RAB39A: variants seen among roughly 807,000 people sequenced by gnomAD.
RAB39A encodes the protein ras-related protein Rab-39A.
Under a neutral mutation model 20.9 loss-of-function variants are expected in RAB39A, and 17 were observed. That is an observed-to-expected ratio of 0.81 (90% CI 0.56 to 1.22). The LOEUF (loss-of-function observed/expected upper bound fraction) is 1.22. Among genes scored for constraint, RAB39A ranks in the 50% most tolerant of loss-of-function variants. The pLI, the probability that RAB39A is intolerant of heterozygous loss-of-function variation, is 0.00. For synonymous variants in RAB39A, 99 were observed against 103.4 expected (o/e 0.96, Z 0.26); for missense variants, 234 against 270.5 (o/e 0.87, Z 0.95).
chr11:107,955,910 G>A (rs1384902409), intron 1 of RAB39A, among the ~76,000 whole-genome samples: 1 of 151,718 alleles, frequency 6.6e-6, no homozygotes, highest in Non-Finnish European at 1.5e-5. Flanking sequence ...TTTTAGTAGG[G>A]GGTATAAAAT....
chr11:107,937,788 C>T (rs182045971), intron 1 of RAB39A, among the ~76,000 whole-genome samples: 32 of 152,264 alleles, frequency 2.1e-4, no homozygotes, highest in Admixed American at 8.5e-4. Flanking sequence ...TCCTAGCTCT[C>T]AGTCTCTGAG....
At chr11:107,960,407 G>A (rs1157195301) in intron 1 of RAB39A, among the ~76,000 whole-genome samples, 2 of 152,180 alleles carry the variant, frequency 1.3e-5, no homozygotes, top group Non-Finnish European at 2.9e-5. Flanking sequence ...AGGCTGCTCA[G>A]ATGGTATGAT....
In RAB39A at chr11:107,928,877, G is replaced by C. The variant is rs1861110183; in HGVS notation, c.227+82G>C. On this transcript the variant is annotated intron_variant, in intron 1 of 1. Coordinates refer to ENST00000320578, the MANE Select transcript of RAB39A (RefSeq NM_017516.3). This position sits in a 1 kb window ranked among gnomAD's most constrained non-coding sequence, Gnocchi z 4.9. ...CCTTCCCCAGGCGTCCGCCCCGCCG[G>C]CCCTGGTCGGGAGAGGCTCTGGCCC... The C allele has an allele frequency of 8.3e-7, 1 of 1,206,936 alleles. No individual in the cohort carries two copies. The allele number at this position is 1,206,936 out of a possible 1,614,324, so 74.8% of individuals were successfully genotyped here. A position where few individuals can be genotyped will look rare whatever the true frequency, so the allele number is the denominator to read the frequency against.
chr11:107,952,485 G>A lies in RAB39A; in HGVS notation c.228-9461G>A, dbSNP rs183765096. Among the ~76,000 whole-genome samples, 7 of 152,258 alleles carry A rather than the reference G, an allele frequency of 4.6e-5. No homozygotes were observed. The South Asian group carries it at 1.4e-3, about 32-fold the overall frequency. ...AATCCCAGCTGCTTGGGAGGCTGAG[G>A]CAGGAGGATCACTTGAACCCAGGAG... On this transcript the variant is annotated intron_variant, in intron 1 of 1. Coordinates refer to ENST00000320578, the MANE Select transcript of RAB39A (RefSeq NM_017516.3).
chr11:107,952,838 A>G (rs1023562885), intron 1 of RAB39A, among the ~76,000 whole-genome samples: 2 of 152,212 alleles, frequency 1.3e-5, no homozygotes, highest in African/African-American at 4.8e-5. Context: ...AGCCGAGATC[A>G]CGCCATTGCA....
At chr11:107,951,766 T>C (rs1861383096) in intron 1 of RAB39A, among the ~76,000 whole-genome samples, 1 of 152,080 alleles carries the variant, frequency 6.6e-6, no homozygotes, top group South Asian at 2.1e-4. Context: ...ATTATAGGTC[T>C]GAGCCACTGT....
At chr11:107,960,241 C>T (rs1300040703) in intron 1 of RAB39A, among the ~76,000 whole-genome samples, 1 of 149,984 alleles carries the variant, frequency 6.7e-6, no homozygotes, top group Non-Finnish European at 1.5e-5. Context: ...ATATAACAAA[C>T]ATTGTATGAC....
chr11:107,943,616 T>G (rs1591244184), intron 1 of RAB39A, among the ~76,000 whole-genome samples: 1 of 151,192 alleles, frequency 6.6e-6, no homozygotes, highest in South Asian at 2.1e-4. Context: ...GATTTACTTG[T>G]GGAAATCCAT....
Position 107,934,440 on chromosome 11 carries a change from G to A in RAB39A, c.227+5645G>A, listed in dbSNP as rs73551500. The stretch of plus-strand genomic sequence containing the variant: ...CAGAGCTAGACCCTGTCTCTAAAAA[G>A]AGGAAAAAGAAAATCTATGATAACT... On this transcript the variant is annotated intron_variant, in intron 1 of 1. Transcript: ENST00000320578. 6.5e-3 allele frequency among the ~76,000 whole-genome samples: 982 copies of A among 152,024 alleles called. 11 individuals carry two copies. The highest frequency in any genetic ancestry group is 0.023 in the African/African-American group (933 of 41,456).
intron 1 of RAB39A, among the ~76,000 whole-genome samples, chr11:107,956,044 G>A (rs905423640): frequency 7.2e-5 from 11 of 152,134 alleles, no homozygotes; most frequent in Non-Finnish European, 1.5e-5. Context: ...TCTTTAGGAT[G>A]TATGTATTTC....
rs772372540 is a variant in RAB39A at position 107,961,956 on chromosome 11, C to G, written c.238C>G (p.Arg80Gly). 5 of 1,608,700 alleles carry G rather than the reference C, an allele frequency of 3.1e-6. No homozygotes were observed. Among genetic ancestry groups the G allele is most frequent in the Non-Finnish European group, 4.3e-6 (5 of 1,176,118 alleles). The change falls in exon 2 of 2, where the codon CGA becomes GGA. Residue 80 changes from arginine to glycine, a missense_variant. Coordinates refer to ENST00000320578, the MANE Select transcript of RAB39A (RefSeq NM_017516.3). ...AGQERFRSIT[R>G]SYYRNSVGGF... is the part of the protein sequence containing the mutation. ...CTCTTCATTTTTCAGATCAATAACC[C>G]GATCTTATTACCGCAACTCAGTTGG...
intron 1 of RAB39A, among the ~76,000 whole-genome samples, chr11:107,950,548 C>G (rs185264778): frequency 6.6e-6 from 1 of 152,074 alleles, no homozygotes; most frequent in African/African-American, 2.4e-5. Context: ...GGGCAGATCA[C>G]TTGAGCTCAG....
intron 1 of RAB39A, among the ~76,000 whole-genome samples, chr11:107,948,016 G>A (rs1861336856): frequency 6.6e-6 from 1 of 150,830 alleles, no homozygotes; most frequent in Admixed American, 6.6e-5. Flanking sequence ...GTAAACCAGG[G>A]GTGAAGAGGA....
chr11:107,945,631 A>G (rs1018935003), intron 1 of RAB39A, among the ~76,000 whole-genome samples: 3 of 152,182 alleles, frequency 2.0e-5, no homozygotes, highest in Non-Finnish European at 4.4e-5. Flanking sequence ...GACTTGGGAA[A>G]TGGTGACACC....
At position 107,928,789 on chromosome 11, in the gene RAB39A, G is replaced by A; in HGVS notation, c.221G>A (p.Arg74Gln). The A allele has an allele frequency of 6.4e-7, 1 of 1,559,036 alleles. No individual in the cohort carries two copies. The highest frequency in any genetic ancestry group is 8.7e-7 in the Non-Finnish European group (1 of 1,146,324). The change falls in exon 1 of 2, where the codon CGG (arginine) becomes CAG (glutamine). Residue 74 changes from arginine (R) to glutamine (Q), a missense_variant. Transcript: ENST00000320578. The surrounding 1 kb of genome is among the most constrained non-coding windows in gnomAD (Gnocchi z 4.9). ...CTCTGGGACACGGCGGGACAGGAGC[G>A]GTTCAGGTAGGGACCCCGGGGACCT... is the stretch of plus-strand genomic sequence containing the variant. ...LQLWDTAGQERFRSITRSYYR... is the reference protein window; with the variant it reads ...LQLWDTAGQEQFRSITRSYYR...
At position 107,962,026 on chromosome 11, in the gene RAB39A, A is replaced by G. The variant is rs757103206; in HGVS notation, c.308A>G (p.His103Arg). Residue 103 changes from histidine (H) to arginine (R), a missense_variant, in exon 2 of 2, where the codon CAT (histidine) becomes CGT (arginine). Transcript: ENST00000320578. ...FDITNRRSFEHVKDWLEEAKM... is the reference protein window; with the variant it reads ...FDITNRRSFERVKDWLEEAKM... Reference sequence around the variant, plus strand: ...ATTACTAACCGACGATCTTTTGAACATGTGAAAGATTGGCTAGAAGAAGCA... The same window carrying G: ...ATTACTAACCGACGATCTTTTGAACGTGTGAAAGATTGGCTAGAAGAAGCA... The G allele has an allele frequency of 2.5e-6, 4 of 1,613,938 alleles. No homozygotes were observed. The highest frequency in any genetic ancestry group is 3.4e-6 in the Non-Finnish European group (4 of 1,179,830).
intron 1 of RAB39A, among the ~76,000 whole-genome samples, chr11:107,950,319 C>T (rs932885269): frequency 6.6e-6 from 1 of 152,060 alleles, no homozygotes; most frequent in Non-Finnish European, 1.5e-5. Context: ...TTTTATATTT[C>T]TCTTTTATTC....
In RAB39A at chr11:107,937,169, T is replaced by C. The variant is rs144926475; in HGVS notation, c.227+8374T>C. Among the ~76,000 whole-genome samples, 913 of 152,282 alleles carry C rather than the reference T, an allele frequency of 6.0e-3. 8 individuals carry two copies. The highest frequency in any genetic ancestry group is 0.021 in the African/African-American group (886 of 41,554). On this transcript the variant is annotated intron_variant, in intron 1 of 1. Transcript: ENST00000320578. ...TTGTTTTTTAGAGACAGAGTTTTGC[T>C]GTGTAGCCCAGGTTGAAGTGCAGTG...
chr11:107,948,447 G>C (rs185198819), intron 1 of RAB39A, among the ~76,000 whole-genome samples: 84 of 152,198 alleles, frequency 5.5e-4, no homozygotes, highest in African/African-American at 2.0e-3. Flanking sequence ...TTGAGCAGAA[G>C]TTGCATGTGG....
Sources: gnomAD v4.1 joint callset for allele counts (sites outside exome capture counted in the v4.1 genomes callset) on GRCh38, gnomAD v4.1.1 for gene constraint, Gnocchi (gnomAD v3.1) non-coding constraint, MANE v1.5 for transcripts, NCBI Gene and HGNC (gene_info 2026-07-23, HGNC 2026-07-21) for gene names.